Variants in UBE2R2 observed in about 807,000 individuals in gnomAD.
UBE2R2 encodes the protein ubiquitin conjugating enzyme E2 R2, also known as ubiquitin-conjugating enzyme E2 R2.
In UBE2R2, 1 loss-of-function variant was observed where a neutral mutation model predicts 27.8. That is an observed-to-expected ratio of 0.04 (90% CI 0.01 to 0.17). The LOEUF (loss-of-function observed/expected upper bound fraction) is 0.17, where lower values mean the gene tolerates loss of function less well. UBE2R2 is among the 10% of genes least tolerant of loss of function. The probability of loss-of-function intolerance (pLI) is 1.00; values close to 1 mark genes in which losing one functional copy is unlikely to be tolerated. For synonymous variants in UBE2R2, 106 were observed against 113.3 expected (o/e 0.94, Z 0.41); for missense variants, 100 against 291.0 (o/e 0.34, Z 4.78).
chr9:33,834,990 T>A (rs879742641), intron 1 of UBE2R2, among the ~76,000 whole-genome samples: 3 of 151,790 alleles, frequency 2.0e-5, no homozygotes, highest in Non-Finnish European at 4.4e-5. Context: ...TTACCCACAA[T>A]CACATTTCCC....
intron 3 of UBE2R2, among the ~76,000 whole-genome samples, chr9:33,907,151 G>GTT (rs1822374301): frequency 6.6e-6 from 1 of 152,076 alleles, no homozygotes; most frequent in African/African-American, 2.4e-5. Flanking sequence ...GGTTTTTATT[G>GTT]TTTACAAACT....
intron 1 of UBE2R2, among the ~76,000 whole-genome samples, chr9:33,818,238 G>C (rs1288158959): frequency 6.6e-6 from 1 of 152,126 alleles, no homozygotes; most frequent in South Asian, 2.1e-4. Flanking sequence ...CCCCGCTGAG[G>C]GTGGGTGGAA....
intron 1 of UBE2R2, among the ~76,000 whole-genome samples, chr9:33,862,969 A>G (rs1397446726): frequency 6.6e-6 from 1 of 152,096 alleles, no homozygotes. Flanking sequence ...TGGGCAGATC[A>G]TGAGGTCAGG....
Position 33,886,562 on chromosome 9 carries a change from G to A in UBE2R2, c.178-319G>A, listed in dbSNP as rs550188777. On this transcript the variant is annotated intron_variant, in intron 1 of 4. Transcript: ENST00000263228. Reference sequence around the variant, plus strand: ...CCCAGCTACTCGGGAGGCTGAGGCAGGAGAATCGCTTGGACCTGGGAGGTG... The same window carrying A: ...CCCAGCTACTCGGGAGGCTGAGGCAAGAGAATCGCTTGGACCTGGGAGGTG... 2.6e-5 allele frequency among the ~76,000 whole-genome samples: 4 copies of A among 151,608 alleles called. No individual in the cohort carries two copies. In the East Asian group the frequency reaches 7.8e-4, roughly 30 times the overall value.
chr9:33,853,224 CAAA>C (rs71506142), intron 1 of UBE2R2, among the ~76,000 whole-genome samples: 2 of 108,172 alleles, frequency 1.8e-5, no homozygotes. Flanking sequence ...CCCTCTGTCT[CAAA>C]AAAAAAAAAA....
At chr9:33,887,295 G>A (rs1821881443) in intron 2 of UBE2R2, among the ~76,000 whole-genome samples, 1 of 152,144 alleles carries the variant, frequency 6.6e-6, no homozygotes. Flanking sequence ...ATTTATTTGT[G>A]TGCCTATCCT....
rs139799329 is a variant in UBE2R2, at chr9:33,913,776, A to G, written c.497+1678A>G. Among the ~76,000 whole-genome samples the G allele has an allele frequency of 4.6e-5, 7 of 152,324 alleles. No homozygotes were observed. In the East Asian group the frequency reaches 9.6e-4, roughly 21 times the overall value. ...TGAGTAATATAAAATCAGCAGTTCTAAGTTTTCTGCCCATTGGGATCACTT... is the reference window on the plus strand; with the variant it reads ...TGAGTAATATAAAATCAGCAGTTCTGAGTTTTCTGCCCATTGGGATCACTT... On this transcript the variant is annotated intron_variant, in intron 4 of 4. Coordinates refer to ENST00000263228, the MANE Select transcript of UBE2R2 (RefSeq NM_017811.4).
intron 1 of UBE2R2, among the ~76,000 whole-genome samples, chr9:33,884,466 G>GT (rs1322279656): frequency 6.6e-6 from 1 of 151,472 alleles, no homozygotes; most frequent in Non-Finnish European, 1.5e-5. Context: ...TTTTTGTAGA[G>GT]TAGGGTCTCG....
intron 1 of UBE2R2, among the ~76,000 whole-genome samples, chr9:33,824,587 T>C (rs2994032): frequency 0.62 from 91,603 of 148,762 alleles, 28,177 homozygotes; most frequent in East Asian, 0.77. Flanking sequence ...TGCAGTGAAC[T>C]GATATCGAGG....
chr9:33,840,961 T>C (rs1820720901), intron 1 of UBE2R2, among the ~76,000 whole-genome samples: 1 of 152,142 alleles, frequency 6.6e-6, no homozygotes, highest in African/African-American at 2.4e-5. Flanking sequence ...GTTTCACTCT[T>C]TCACCCAGGC....
intron 2 of UBE2R2, among the ~76,000 whole-genome samples, chr9:33,897,705 G>C (rs546195683): frequency 6.9e-4 from 104 of 151,694 alleles, no homozygotes; most frequent in African/African-American, 2.4e-3. Flanking sequence ...CAACAACAAA[G>C]CCTTTTATCT....
intron 1 of UBE2R2, among the ~76,000 whole-genome samples, chr9:33,821,760 C>T (rs1305721907): frequency 2.6e-5 from 4 of 151,606 alleles, no homozygotes; most frequent in Admixed American, 1.3e-4. Context: ...GGATTACCGG[C>T]GTGCGCCATG....
chr9:33,841,111 C>A (rs1820724790), intron 1 of UBE2R2, among the ~76,000 whole-genome samples: 1 of 150,928 alleles, frequency 6.6e-6, no homozygotes, highest in Non-Finnish European at 1.5e-5. Flanking sequence ...GAGACGAAGT[C>A]TTGCTTTATC....
At chr9:33,885,176 G>C (rs1410074749) in intron 1 of UBE2R2, among the ~76,000 whole-genome samples, 4 of 152,310 alleles carry the variant, frequency 2.6e-5, no homozygotes, top group African/African-American at 7.2e-5. Context: ...AGTTAAGCCA[G>C]AGGTATAAAG....
At chr9:33,832,306 C>T (rs1408377143) in intron 1 of UBE2R2, among the ~76,000 whole-genome samples, 1 of 88,866 alleles carries the variant, frequency 1.1e-5, no homozygotes, top group Non-Finnish European at 2.3e-5. Flanking sequence ...GAAAATCTAT[C>T]TCAAAAAAAA....
At chr9:33,860,440 C>T (rs1174872207) in intron 1 of UBE2R2, among the ~76,000 whole-genome samples, 5 of 152,184 alleles carry the variant, frequency 3.3e-5, no homozygotes, top group African/African-American at 9.6e-5. Flanking sequence ...ACATTGCTGT[C>T]AATACCTTTT....
chr9:33,906,013 TTG>T (rs1171699092), intron 3 of UBE2R2, among the ~76,000 whole-genome samples: 1 of 152,168 alleles, frequency 6.6e-6, no homozygotes, highest in Non-Finnish European at 1.5e-5. Context: ...GCGTGTGTGT[TTG>T]TGTGTGTGCA....
At chr9:33,866,128 C>T (rs566226582) in intron 1 of UBE2R2, among the ~76,000 whole-genome samples, 2 of 151,464 alleles carry the variant, frequency 1.3e-5, no homozygotes, top group South Asian at 2.1e-4. Context: ...CACTGGTGCC[C>T]GGCTCACATT....
chr9:33,820,062 C>T (rs535364214), intron 1 of UBE2R2, among the ~76,000 whole-genome samples: 1 of 152,264 alleles, frequency 6.6e-6, no homozygotes, highest in East Asian at 1.9e-4. Context: ...TAAATGGGTA[C>T]TAGTTAGAAT....
Sources: gnomAD v4.1 joint callset for allele counts (sites outside exome capture counted in the v4.1 genomes callset) on GRCh38, gnomAD v4.1.1 for gene constraint, MANE v1.5 for transcripts, NCBI Gene and HGNC (gene_info 2026-07-23, HGNC 2026-07-21) for gene names.